The following KHDRBS3 variants were observed in gnomAD, a reference collection of about 807,000 sequenced individuals.
KHDRBS3 encodes the protein KH domain-containing, RNA-binding, signal transduction-associated protein 3.
A neutral mutation model predicts 45.6 loss-of-function variants in KHDRBS3; 23 were observed. The observed-to-expected ratio is 0.50, with a 90% CI of 0.36 to 0.72. KHDRBS3 has a LOEUF of 0.72. Ranked by LOEUF, KHDRBS3 falls within the 30% of genes least tolerant of loss-of-function variation. The pLI is 0.00. For synonymous variants in KHDRBS3, 162 were observed against 156.5 expected, an observed-to-expected ratio of 1.04 and a Z score of -0.26; for missense variants, 352 against 424.8, an observed-to-expected ratio of 0.83 and a Z score of 1.51.
At chr8:135,575,889 T>A (rs1250031827) in intron 5 of KHDRBS3, among the ~76,000 whole-genome samples, 1 of 152,232 alleles carries the variant, frequency 6.6e-6, no homozygotes, top group African/African-American at 2.4e-5. Context: ...AGTTTTTACC[T>A]AGTGTCCTTT....
At chr8:135,634,615 C>T (rs1165679903) in intron 7 of KHDRBS3, among the ~76,000 whole-genome samples, 1 of 152,180 alleles carries the variant, frequency 6.6e-6, no homozygotes, top group Non-Finnish European at 1.5e-5. Flanking sequence ...AGTTAGGGAA[C>T]TGAAGCTATT....
intron 1 of KHDRBS3, among the ~76,000 whole-genome samples, chr8:135,520,506 G>A (rs185590769): frequency 6.0e-4 from 92 of 152,168 alleles, no homozygotes; most frequent in African/African-American, 2.2e-3. Context: ...GGGAGAGGTA[G>A]CACATTTTTT....
At chr8:135,519,812 T>C (rs2130644569) in intron 1 of KHDRBS3, among the ~76,000 whole-genome samples, 1 of 152,336 alleles carries the variant, frequency 6.6e-6, no homozygotes, top group South Asian at 2.1e-4. Flanking sequence ...TAGTTCGAAA[T>C]GGGAGGCTGC....
At chr8:135,530,406 C>T (rs776095980) in intron 2 of KHDRBS3, among the ~76,000 whole-genome samples, 7 of 151,916 alleles carry the variant, frequency 4.6e-5, no homozygotes, top group African/African-American at 1.2e-4. Context: ...AAATTCATGC[C>T]GTAGATTGAA....
At chr8:135,468,367 C>G (rs1441106985) in intron 1 of KHDRBS3, among the ~76,000 whole-genome samples, 1 of 152,220 alleles carries the variant, frequency 6.6e-6, no homozygotes, top group Non-Finnish European at 1.5e-5. Context: ...AAGCCAAGAT[C>G]TGGGTGCTGG....
Position 135,522,804 on chromosome 8 carries a change from G to A in KHDRBS3, c.207+1449G>A, listed in dbSNP as rs146615324. 1.1e-3 allele frequency among the ~76,000 whole-genome samples: 175 copies of A among 152,186 alleles called. 2 individuals carry two copies. Among genetic ancestry groups the A allele is most frequent in the African/African-American group, 4.0e-3 (166 of 41,498 alleles). ...GTGTTATTGTAGCTTTTACTTTTAG[G>A]TCTATGATAGATCTCAAATGAATTT... On this transcript the variant is annotated intron_variant, in intron 2 of 8. Coordinates refer to ENST00000355849, the MANE Select transcript of KHDRBS3 (RefSeq NM_006558.3).
intron 7 of KHDRBS3, among the ~76,000 whole-genome samples, chr8:135,622,850 ATAGGCT>A (rs1830203752): frequency 6.6e-6 from 1 of 152,246 alleles, no homozygotes; most frequent in South Asian, 2.1e-4. Flanking sequence ...ATACAAAAAA[ATAGGCT>A]TAAGGAACCC....
intron 2 of KHDRBS3, among the ~76,000 whole-genome samples, chr8:135,523,418 GT>G (rs61252148): frequency 0.1 from 15,868 of 151,626 alleles, 920 homozygotes; most frequent in East Asian, 0.19. Flanking sequence ...CTATTTTCCA[GT>G]TTTTTTTCTA....
chr8:135,546,551 A>G (rs1563758615), intron 3 of KHDRBS3, among the ~76,000 whole-genome samples: 1 of 152,224 alleles, frequency 6.6e-6, no homozygotes, highest in Non-Finnish European at 1.5e-5. Context: ...CTATACAATA[A>G]TAGAATAAAT....
chr8:135,555,587 T>A (rs889780551), intron 4 of KHDRBS3, among the ~76,000 whole-genome samples: 2 of 152,166 alleles, frequency 1.3e-5, no homozygotes, highest in Non-Finnish European at 2.9e-5. Context: ...GGCTCTCACT[T>A]TATTTTTTAT....
intron 2 of KHDRBS3, among the ~76,000 whole-genome samples, chr8:135,533,529 T>A (rs1012493784): frequency 6.6e-6 from 1 of 152,116 alleles, no homozygotes. Flanking sequence ...GGAGCAAAGG[T>A]GTAAATATGG....
chr8:135,576,199 C>T (rs751812660), intron 5 of KHDRBS3, among the ~76,000 whole-genome samples: 1 of 152,166 alleles, frequency 6.6e-6, no homozygotes, highest in African/African-American at 2.4e-5. Flanking sequence ...ACCTTGATAA[C>T]GTAGCTGAGG....
chr8:135,591,897 A>G (rs1828760416), intron 6 of KHDRBS3, among the ~76,000 whole-genome samples: 1 of 152,232 alleles, frequency 6.6e-6, no homozygotes, highest in African/African-American at 2.4e-5. Flanking sequence ...ACAGTTAACT[A>G]ATCTCAAAAC....
intron 1 of KHDRBS3, among the ~76,000 whole-genome samples, chr8:135,513,945 T>A (rs1305747381): frequency 1.3e-5 from 2 of 152,176 alleles, no homozygotes; most frequent in Non-Finnish European, 1.5e-5. Context: ...GTAATTTGCT[T>A]ATTTTGATGT....
chr8:135,646,651 C>T (rs1831300175), intron 8 of KHDRBS3, among the ~76,000 whole-genome samples: 1 of 152,106 alleles, frequency 6.6e-6, no homozygotes, highest in Admixed American at 6.5e-5. Context: ...TCATAAATGT[C>T]CTGATGTTTA....
intron 7 of KHDRBS3, among the ~76,000 whole-genome samples, chr8:135,635,133 T>C (rs1191544857): frequency 1.3e-5 from 2 of 152,234 alleles, no homozygotes; most frequent in Non-Finnish European, 2.9e-5. Context: ...TTATCAATCA[T>C]TAAATGTAAC....
At chr8:135,608,861 A>G (rs1035784939) in intron 7 of KHDRBS3, among the ~76,000 whole-genome samples, 1 of 152,338 alleles carries the variant, frequency 6.6e-6, no homozygotes, top group Admixed American at 6.5e-5. Context: ...CAGTGGACAC[A>G]CAATGGTATT....
chr8:135,624,693 C>T (rs1369254290), intron 7 of KHDRBS3, among the ~76,000 whole-genome samples: 2 of 152,152 alleles, frequency 1.3e-5, no homozygotes, highest in Admixed American at 6.6e-5. Flanking sequence ...AAGGTCTGGC[C>T]CTTCCTTCCC....
chr8:135,620,431 C>T (rs376404765), intron 7 of KHDRBS3, among the ~76,000 whole-genome samples: 12 of 152,218 alleles, frequency 7.9e-5, no homozygotes, highest in Admixed American at 3.9e-4. Flanking sequence ...GGCCCCAATT[C>T]CTTCTCTGCC....
Sources: allele counts gnomAD v4.1 joint callset (sites outside exome capture counted in the v4.1 genomes callset), GRCh38; gene constraint gnomAD v4.1.1; transcripts MANE v1.5; gene names NCBI Gene and HGNC (gene_info 2026-07-23, HGNC 2026-07-21).